The following RAB38 variants were observed in gnomAD, a reference collection of about 807,000 sequenced individuals.
The protein encoded by RAB38 is RAB38, member RAS oncogene family.
RAB38 carries 15 observed loss-of-function variants against 18.4 expected under a neutral mutation model. That is an observed-to-expected ratio of 0.82 (90% CI 0.55 to 1.26). The LOEUF is 1.26. RAB38 is among the 50% of genes most tolerant of loss of function. RAB38 has a pLI of 0.00. For missense variants in RAB38, 294 were observed against 267.4 expected (o/e 1.10, Z -0.69); for synonymous variants, 101 against 104.4 (o/e 0.97, Z 0.20).
At chr11:88,036,840 C>A in the RAB38 span, among the ~76,000 whole-genome samples, 4 of 151,850 alleles carry the variant, frequency 2.6e-5, no homozygotes, top group Non-Finnish European at 4.4e-5. Flanking sequence ...ATCTCCAGAG[C>A]AAATATGGTT....
intron 1 of RAB38, among the ~76,000 whole-genome samples, chr11:88,158,022 T>C (rs975292091): frequency 6.6e-6 from 1 of 151,612 alleles, no homozygotes; most frequent in Non-Finnish European, 1.5e-5. Context: ...ACAAGATCAA[T>C]AGACAACAAG....
At chr11:88,057,850 C>T in the RAB38 span, among the ~76,000 whole-genome samples, 1 of 152,080 alleles carries the variant, frequency 6.6e-6, no homozygotes, top group Non-Finnish European at 1.5e-5. Context: ...TCTCTACCCC[C>T]TGCAAAATTA....
chr11:87,870,282 T>C, the RAB38 span, among the ~76,000 whole-genome samples: 122 of 151,690 alleles, frequency 8.0e-4, 1 homozygote, highest in African/African-American at 2.8e-3. Flanking sequence ...TGTGAAAATA[T>C]CTGTATATGC....
chr11:88,133,848 G>C (rs963745555), intron 2 of RAB38, among the ~76,000 whole-genome samples: 6 of 152,196 alleles, frequency 3.9e-5, no homozygotes, highest in Admixed American at 3.9e-4. Context: ...ACTGAGGAGA[G>C]TCCACTGAGT....
the RAB38 span, among the ~76,000 whole-genome samples, chr11:87,976,230 T>C: frequency 6.8e-6 from 1 of 146,564 alleles, no homozygotes; most frequent in Admixed American, 7.0e-5. Flanking sequence ...TATACCTATA[T>C]ATATATACAC....
chr11:88,073,657 T>C, the RAB38 span, among the ~76,000 whole-genome samples: 1 of 151,934 alleles, frequency 6.6e-6, no homozygotes, highest in African/African-American at 2.4e-5. Context: ...AGCAAGAAAT[T>C]GTGATTTTCT....
the RAB38 span, among the ~76,000 whole-genome samples, chr11:87,912,762 C>CTTTTTTTTTTTTTTTTTTTTT: frequency 2.3e-5 from 2 of 86,536 alleles, no homozygotes; most frequent in Non-Finnish European, 4.6e-5. Context: ...AATTTTCTTT[C>CTTTTTTTTTTTTTTTTTTTTT]TTTCTTTTTT....
At chr11:88,072,311 C>T in the RAB38 span, among the ~76,000 whole-genome samples, 10 of 152,054 alleles carry the variant, frequency 6.6e-5, no homozygotes, top group African/African-American at 1.9e-4. Flanking sequence ...GCCGAGGAAA[C>T]AATCAGCACA....
chr11:87,851,822 A>AG, the RAB38 span, among the ~76,000 whole-genome samples: 1 of 152,130 alleles, frequency 6.6e-6, no homozygotes, highest in Admixed American at 6.6e-5. Context: ...GTACCCTTGT[A>AG]GGGGAGAAGA....
intron 2 of RAB38, among the ~76,000 whole-genome samples, chr11:88,133,964 G>C (rs1045123915): frequency 6.6e-6 from 1 of 152,150 alleles, no homozygotes; most frequent in Non-Finnish European, 1.5e-5. Context: ...GATTAGTCCT[G>C]AGTCCTTTTC....
At chr11:87,874,659 T>C in the RAB38 span, among the ~76,000 whole-genome samples, 1 of 149,450 alleles carries the variant, frequency 6.7e-6, no homozygotes, top group Admixed American at 6.7e-5. Context: ...AAAATATATA[T>C]ATAAAATAAT....
chr11:87,928,524 A>C, the RAB38 span, among the ~76,000 whole-genome samples: 1 of 152,052 alleles, frequency 6.6e-6, no homozygotes, highest in Non-Finnish European at 1.5e-5. Context: ...TTTTAAGTAA[A>C]ATGTTGAGAC....
chr11:88,174,620 C>CAAAAAAAAAAAAAAAAAA (rs60026669), intron 1 of RAB38, among the ~76,000 whole-genome samples: 3 of 101,120 alleles, frequency 3.0e-5, no homozygotes, highest in Admixed American at 1.0e-4. Context: ...AAGCAAAAAG[C>CAAAAAAAAAAAAAAAAAA]AAAAAAAAAA....
At chr11:87,945,369 T>C in the RAB38 span, among the ~76,000 whole-genome samples, 1 of 152,148 alleles carries the variant, frequency 6.6e-6, no homozygotes, top group Non-Finnish European at 1.5e-5. Flanking sequence ...AAGGGTTTAG[T>C]CTGCAAATGG....
the RAB38 span, among the ~76,000 whole-genome samples, chr11:87,856,569 A>G: frequency 1.3e-5 from 2 of 152,184 alleles, no homozygotes; most frequent in Non-Finnish European, 2.9e-5. Context: ...GTTTTAGATA[A>G]ATGTATTATT....
At chr11:87,860,360 G>A in the RAB38 span, among the ~76,000 whole-genome samples, 524 of 151,914 alleles carry the variant, frequency 3.4e-3, 1 homozygote, top group Middle Eastern at 0.017. Flanking sequence ...TAAACAGAAT[G>A]GCCCTATTTC....
chr11:87,964,695 T>G, the RAB38 span, among the ~76,000 whole-genome samples: 2 of 152,036 alleles, frequency 1.3e-5, no homozygotes, highest in African/African-American at 4.8e-5. Context: ...CTTGGTGGTA[T>G]AAAACACTAA....
the RAB38 span, among the ~76,000 whole-genome samples, chr11:87,945,486 T>C: frequency 6.6e-6 from 1 of 152,060 alleles, no homozygotes; most frequent in East Asian, 1.9e-4. Context: ...GTCAGTGGGT[T>C]GGAAGGGTAG....
Position 88,114,039 on chromosome 11 carries a change from G to C in RAB38, c.585C>G (p.Pro195=). ...TGGCAACCTTGGTTGATGTGAGATG[G>C]GGCTTCACGACGTCCGGCTCAATAG... ...MESIEPDVVK[P]HLTSTKVASC... is the part of the protein sequence containing the mutation. Residue 195 remains proline, a synonymous_variant, in exon 3 of 3, where the codon CCC becomes CCG. Transcript: ENST00000243662. 1 of 1,614,164 alleles carries C rather than the reference G, an allele frequency of 6.2e-7. No individual in the cohort carries two copies. The highest frequency in any genetic ancestry group is 2.2e-5 in the East Asian group (1 of 44,878).
Sources: allele counts gnomAD v4.1 joint callset (sites outside exome capture counted in the v4.1 genomes callset), GRCh38; gene constraint gnomAD v4.1.1; transcripts MANE v1.5; gene names NCBI Gene and HGNC (gene_info 2026-07-23, HGNC 2026-07-21).